Variants in AFF4 observed in about 807,000 individuals in gnomAD.
AFF4 encodes ALF transcription elongation factor 4.
A neutral mutation model predicts 124.8 loss-of-function variants in AFF4; 13 were observed. The ratio of observed to expected loss-of-function variants is 0.10; its 90% CI spans 0.07 to 0.17. The LOEUF is 0.17. Ranked by LOEUF, AFF4 falls within the 10% of genes least tolerant of loss-of-function variation. AFF4 has a pLI of 1.00. For synonymous variants in AFF4, 477 were observed against 496.1 expected (o/e 0.96, Z 0.51); for missense variants, 1,092 against 1,403.8 (o/e 0.78, Z 3.55).
intron 11 of AFF4, among the ~76,000 whole-genome samples, chr5:132,895,693 A>G (rs1208663801): frequency 6.6e-6 from 1 of 152,222 alleles, no homozygotes; most frequent in Non-Finnish European, 1.5e-5. Context: ...AGATCTCTTC[A>G]TTGTACGATT....
At chr5:132,916,845 T>A (rs1760922846) in intron 5 of AFF4, among the ~76,000 whole-genome samples, 1 of 152,130 alleles carries the variant, frequency 6.6e-6, no homozygotes, top group South Asian at 2.1e-4. Flanking sequence ...TATAAAAAAA[T>A]ACATCATGAC....
At chr5:132,905,048 CAAAAAA>C (rs66981854) in intron 5 of AFF4, among the ~76,000 whole-genome samples, 1 of 118,368 alleles carries the variant, frequency 8.4e-6, no homozygotes, top group Non-Finnish European at 1.7e-5. Flanking sequence ...GACTCCATCT[CAAAAAA>C]AAAAAAAAAA....
In AFF4 at chr5:132,888,415, T is replaced by TA. The variant is rs78928839; in HGVS notation, c.2733-256_2733-255insT. On this transcript the variant is annotated intron_variant, in intron 14 of 20. Coordinates refer to ENST00000265343, the MANE Select transcript of AFF4 (RefSeq NM_014423.4). The stretch of plus-strand genomic sequence containing the variant: ...GTATCAAATACTAAGTTACTCAAGT[T>TA]GATTGTAAGATTAAGCATAAATAAA... Among the ~76,000 whole-genome samples the TA allele has an allele frequency of 4.7e-4, 72 of 152,194 alleles. No individual in the cohort carries two copies. The East Asian group carries it at 8.7e-3, about 18-fold the overall frequency.
chr5:132,905,490 C>T (rs1045310788), intron 5 of AFF4, among the ~76,000 whole-genome samples: 3 of 152,066 alleles, frequency 2.0e-5, no homozygotes, highest in Non-Finnish European at 2.9e-5. Flanking sequence ...TATAGTTTTG[C>T]GGTTAAAAAA....
rs112986191 is a variant in AFF4, at chr5:132,955,575, A to C, written c.-5+7684T>G. Among the ~76,000 whole-genome samples, 295 of 152,092 alleles carry C rather than the reference A, an allele frequency of 1.9e-3. 1 individual carries two copies. The highest frequency in any genetic ancestry group is 6.8e-3 in the African/African-American group (281 of 41,480). On this transcript the variant is annotated intron_variant, in intron 1 of 20. Coordinates refer to ENST00000265343, the MANE Select transcript of AFF4 (RefSeq NM_014423.4). ...GGGCAGATCACGAGGTCAGGAGTTC[A>C]AGACCAGCCTGATCAACATGGTGAA...
chr5:132,886,106 C>T (rs192852033), intron 18 of AFF4, among the ~76,000 whole-genome samples: 49 of 152,228 alleles, frequency 3.2e-4, no homozygotes, highest in Non-Finnish European at 5.9e-4. Context: ...TAAATACAGC[C>T]GCTGCACATG....
At position 132,899,082 on chromosome 5, in the gene AFF4, CAGAAA is replaced by C. The variant is rs1452925041; in HGVS notation, c.1226+17_1226+21del. On this transcript the variant is annotated intron_variant, in intron 9 of 20. Transcript: ENST00000265343. Reference sequence around the variant, plus strand: ...GCTGACCCAACTCTTACCAATAAAACAGAAAAGAAAAGGATGCCCACCTTCCTGGT... The same window carrying C: ...GCTGACCCAACTCTTACCAATAAAACAGAAAAGGATGCCCACCTTCCTGGT... The C allele has an allele frequency of 5.0e-5, 80 of 1,609,698 alleles. No homozygotes were observed. Among genetic ancestry groups the C allele is most frequent in the Non-Finnish European group, 6.6e-5 (78 of 1,176,568 alleles).
intron 3 of AFF4, among the ~76,000 whole-genome samples, chr5:132,932,699 T>TA (rs1411493324): frequency 6.6e-6 from 1 of 152,178 alleles, no homozygotes; most frequent in Non-Finnish European, 1.5e-5. Flanking sequence ...AGCATTCCAA[T>TA]AATGGAACAC....
intron 7 of AFF4, 98 bp from the exon 8 acceptor site, chr5:132,899,739 G>T: frequency 9.3e-7 from 1 of 1,070,672 alleles, no homozygotes; most frequent in Non-Finnish European, 1.3e-6. Flanking sequence ...TAATCACTGT[G>T]GTAGCCAAAA....
intron 7 of AFF4, among the ~76,000 whole-genome samples, chr5:132,900,670 G>T (rs893005954): frequency 2.0e-5 from 3 of 152,132 alleles, no homozygotes; most frequent in Admixed American, 2.0e-4. Context: ...ACAGTTTCTG[G>T]AATTTGTTTT....
At chr5:132,889,518 A>G (rs1760202502) in intron 13 of AFF4, among the ~76,000 whole-genome samples, 1 of 152,246 alleles carries the variant, frequency 6.6e-6, no homozygotes, top group South Asian at 2.1e-4. Flanking sequence ...CAATGAAAAC[A>G]GCAATAATAT....
chr5:132,901,577 T>A (rs1364709498), intron 7 of AFF4, among the ~76,000 whole-genome samples: 1 of 152,208 alleles, frequency 6.6e-6, no homozygotes, highest in East Asian at 1.9e-4. Context: ...AGTTGGAATT[T>A]ATTTTCATCC....
In AFF4 at chr5:132,892,364, G is replaced by GCAA. The variant is rs1309932199; in HGVS notation, c.2434_2436dup (p.Leu812dup). 1 of 1,613,836 alleles carries GCAA rather than the reference G, an allele frequency of 6.2e-7. No individual in the cohort carries two copies. On this transcript the variant is annotated inframe_insertion, in exon 13 of 21. Coordinates refer to ENST00000265343, the MANE Select transcript of AFF4 (RefSeq NM_014423.4). ...GAAGGAACAGGCCCAGCGGGAGAAG[G>GCAA]CAACAAATCCTTTTCTTTTGCAGCA...
intron 17 of AFF4, among the ~76,000 whole-genome samples, chr5:132,886,780 A>G (rs866613384): frequency 6.6e-6 from 1 of 152,236 alleles, no homozygotes; most frequent in Non-Finnish European, 1.5e-5. Context: ...AAACCACAAC[A>G]TAGCTTATAA....
chr5:132,896,782 C>T lies in AFF4; in HGVS notation c.1848G>A (p.Glu616=). ...KGSRKPNIKK[E]SKSSPRPTAE... ...CTGTAGGTCGAGGGGAAGACTTAGA[C>T]TCCTTCTTTATATTGGGTTTCCTTG... The change falls in exon 11 of 21, where the codon GAG becomes GAA. Residue 616 remains glutamate, a synonymous_variant. Coordinates refer to ENST00000265343, the MANE Select transcript of AFF4 (RefSeq NM_014423.4). 6.2e-7 allele frequency: 1 copy of T among 1,614,190 alleles called. No homozygotes were observed. The highest frequency in any genetic ancestry group is 8.5e-7 in the Non-Finnish European group (1 of 1,180,044).
chr5:132,941,956 G>A (rs548272074), intron 1 of AFF4, among the ~76,000 whole-genome samples: 87 of 150,376 alleles, frequency 5.8e-4, no homozygotes, highest in African/African-American at 2.1e-3. Context: ...GCAGTGAGAC[G>A]AGATCGCACC....
At position 132,892,287 on chromosome 5, in the gene AFF4, A is replaced by C. The variant is rs1232099124; in HGVS notation, c.2514T>G (p.Ser838=). The C allele has an allele frequency of 4.3e-6, 7 of 1,614,126 alleles. No homozygotes were observed. Among genetic ancestry groups the C allele is most frequent in the Non-Finnish European group, 4.2e-6 (5 of 1,180,040 alleles). ...HGSRKRTISQ[S]SSLKSSSNSN... is the part of the protein sequence containing the mutation. ...TGTTACTGCTTGACTTTAAGGAAGA[A>C]GACTGACTAATAGTCCTCTTCCGAG... The change falls in exon 13 of 21, where the codon TCT becomes TCG. Residue 838 remains serine (S), a synonymous_variant. Coordinates refer to ENST00000265343, the MANE Select transcript of AFF4 (RefSeq NM_014423.4).
intron 1 of AFF4, among the ~76,000 whole-genome samples, chr5:132,960,172 C>A (rs562008470): frequency 1.3e-5 from 2 of 152,246 alleles, no homozygotes; most frequent in South Asian, 4.1e-4. Flanking sequence ...AGCTAACACC[C>A]TCCCAGAAAT....
intron 1 of AFF4, among the ~76,000 whole-genome samples, chr5:132,941,883 C>G (rs1761577091): frequency 6.6e-6 from 1 of 151,816 alleles, no homozygotes; most frequent in Non-Finnish European, 1.5e-5. Context: ...TGGCACATGC[C>G]TTAATCCCAG....
Sources: gnomAD v4.1 joint callset for allele counts (sites outside exome capture counted in the v4.1 genomes callset) on GRCh38, gnomAD v4.1.1 for gene constraint, MANE v1.5 for transcripts, NCBI Gene and HGNC (gene_info 2026-07-23, HGNC 2026-07-21) for gene names.